FCN2: variants seen among roughly 807,000 people sequenced by gnomAD.
FCN2 encodes the protein ficolin-2.
FCN2 carries 31 observed loss-of-function variants against 32.5 expected under a neutral mutation model. The ratio of observed to expected loss-of-function variants is 0.96; its 90% CI spans 0.72 to 1.29. FCN2 has a LOEUF of 1.29. FCN2 is among the 50% of genes most tolerant of loss of function. FCN2 has a pLI of 0.00. For missense variants in FCN2, 412 were observed against 406.5 expected, an observed-to-expected ratio of 1.01 and a Z score of -0.12; for synonymous variants, 181 against 164.5, an observed-to-expected ratio of 1.10 and a Z score of -0.77.
chr9:134,878,887 TAA>T (rs1253081312), upstream of FCN2, among the ~76,000 whole-genome samples: 1 of 152,236 alleles, frequency 6.6e-6, no homozygotes. Flanking sequence ...GCCTTCATTT[TAA>T]AAGTGTGACT....
chr9:134,879,416 A>T (rs997250994), upstream of FCN2, among the ~76,000 whole-genome samples: 8 of 152,226 alleles, frequency 5.3e-5, no homozygotes, highest in African/African-American at 1.9e-4. Flanking sequence ...GACAAATAGC[A>T]TGCAGTAAAG....
At chr9:134,867,355 T>C in the FCN2 span, among the ~76,000 whole-genome samples, 13 of 151,322 alleles carry the variant, frequency 8.6e-5, no homozygotes, top group Non-Finnish European at 1.6e-4. Context: ...ATGGATGAAA[T>C]TGGAAATCAT....
At chr9:134,872,141 A>T in the FCN2 span, among the ~76,000 whole-genome samples, 1 of 151,846 alleles carries the variant, frequency 6.6e-6, no homozygotes, top group East Asian at 1.9e-4. Flanking sequence ...CTGTAGTCAT[A>T]CTCCGTGTGT....
the FCN2 span, among the ~76,000 whole-genome samples, chr9:134,870,920 T>C: frequency 1.3e-5 from 2 of 152,124 alleles, no homozygotes; most frequent in African/African-American, 4.8e-5. This position sits in a 1 kb window ranked among gnomAD's most constrained non-coding sequence, Gnocchi z 4.3. Context: ...ACACCAGCAC[T>C]GGGCTCGGCG....
At chr9:134,883,228 C>T (rs1363848437) in intron 2 of FCN2, 74 bp from the exon 3 acceptor site, 38 of 1,245,506 alleles carry the variant, frequency 3.1e-5, no homozygotes, top group South Asian at 2.0e-4. Flanking sequence ...AAATGACAGC[C>T]GCCAGCTCCA....
chr9:134,871,943 C>A, the FCN2 span, among the ~76,000 whole-genome samples: 1 of 151,216 alleles, frequency 6.6e-6, no homozygotes, highest in Admixed American at 6.6e-5. Flanking sequence ...CCCACCCCCA[C>A]CCGGCCCCAC....
At position 134,885,782 on chromosome 9, in the gene FCN2, G is replaced by A; in HGVS notation, c.444G>A (p.Arg148=). The A allele has an allele frequency of 6.2e-7, 1 of 1,614,040 alleles. No individual in the cohort carries two copies. The highest frequency in any genetic ancestry group is 8.5e-7 in the Non-Finnish European group (1 of 1,179,984). Residue 148 remains arginine (R), a synonymous_variant, in exon 6 of 8, where the codon AGG becomes AGA. Coordinates refer to ENST00000291744, the MANE Select transcript of FCN2 (RefSeq NM_004108.3). ...DGGGWTVFQR[R]VDGSVDFYRD... is the part of the protein sequence containing the mutation. ...CTTCTCCACAGGTTTTCCAGCGGAG[G>A]GTGGATGGCTCTGTGGACTTCTACC...
chr9:134,882,497 A>G (rs1830678067), intron 1 of FCN2, 29 bp from the exon 2 acceptor site: 4 of 1,561,400 alleles, frequency 2.6e-6, no homozygotes, highest in Non-Finnish European at 3.5e-6. Context: ...CCCAGGTGAC[A>G]CTGAGTGGCC....
chr9:134,886,065 G>A (rs1830750324), intron 6 of FCN2, among the ~76,000 whole-genome samples, 168 bp downstream of exon 6: 1 of 152,192 alleles, frequency 6.6e-6, no homozygotes, highest in Non-Finnish European at 1.5e-5. Context: ...CCTGCTGCAG[G>A]CTCTGGCAGC....
the FCN2 span, among the ~76,000 whole-genome samples, chr9:134,870,729 C>A: frequency 1.3e-5 from 2 of 152,124 alleles, no homozygotes; most frequent in Non-Finnish European, 2.9e-5. This position sits in a 1 kb window ranked among gnomAD's most constrained non-coding sequence, Gnocchi z 4.3. Context: ...AGCCCCCAGA[C>A]TCTGAGTCGT....
upstream of FCN2, among the ~76,000 whole-genome samples, chr9:134,879,658 C>T (rs957539573): frequency 6.6e-6 from 1 of 152,132 alleles, no homozygotes; most frequent in African/African-American, 2.4e-5. Context: ...CCCTAAACAC[C>T]ACGGAACCCG....
chr9:134,870,521 G>A, the FCN2 span, among the ~76,000 whole-genome samples: 1 of 152,018 alleles, frequency 6.6e-6, no homozygotes, highest in African/African-American at 2.4e-5. The surrounding 1 kb of genome is among the most constrained non-coding windows in gnomAD (Gnocchi z 4.3). Flanking sequence ...GAGGGAGGCC[G>A]TGCCTGAGTG....
chr9:134,880,699 G>A (rs373558042), upstream of FCN2: 56 of 793,946 alleles, frequency 7.1e-5, no homozygotes, highest in East Asian at 4.8e-4. Context: ...TCCTGCTGGC[G>A]TCACCAAGCC....
upstream of FCN2, chr9:134,880,729 T>TC (rs1830649589): frequency 3.5e-5 from 35 of 1,003,658 alleles, no homozygotes; most frequent in South Asian, 4.3e-4. Context: ...GAAGCGGCTG[T>TC]CACTCGGAAG....
chr9:134,864,582 C>T, the FCN2 span, among the ~76,000 whole-genome samples: 39 of 152,290 alleles, frequency 2.6e-4, no homozygotes, highest in South Asian at 2.1e-4. Context: ...AGGGCTGAGC[C>T]GAGCTGCCGT....
At chr9:134,871,479 G>A in the FCN2 span, among the ~76,000 whole-genome samples, 231 of 152,328 alleles carry the variant, frequency 1.5e-3, no homozygotes, top group African/African-American at 5.2e-3. Context: ...GGGCTGTGCC[G>A]CCGCTGCGTG....
the FCN2 span, chr9:134,868,224 G>A: frequency 6.6e-6 from 1 of 152,326 alleles, no homozygotes; most frequent in Non-Finnish European, 1.5e-5. The surrounding 1 kb of genome is among the most constrained non-coding windows in gnomAD (Gnocchi z 4.3). Flanking sequence ...TTTTCCCTCT[G>A]AGCAGGTGAT....
At chr9:134,876,665 G>T (rs1197731782), upstream of FCN2, among the ~76,000 whole-genome samples, 4 of 152,290 alleles carry the variant, frequency 2.6e-5, no homozygotes, top group African/African-American at 9.6e-5. Context: ...TGCAACCTCT[G>T]CCTCCTGGGT....
the FCN2 span, among the ~76,000 whole-genome samples, chr9:134,865,505 T>C: frequency 1.3e-5 from 2 of 152,218 alleles, no homozygotes. Context: ...GTGAGTTAAC[T>C]TTTTCCCCCA....
Sources: gnomAD v4.1 joint callset for allele counts (sites outside exome capture counted in the v4.1 genomes callset) on GRCh38, gnomAD v4.1.1 for gene constraint, Gnocchi (gnomAD v3.1) non-coding constraint, MANE v1.5 for transcripts, NCBI Gene and HGNC (gene_info 2026-07-23, HGNC 2026-07-21) for gene names.